The following MLXIPL variants were observed in gnomAD, a reference collection of about 807,000 sequenced individuals.
MLXIPL encodes the protein MLX interacting protein like, also known as carbohydrate-responsive element-binding protein.
In MLXIPL, 49 loss-of-function variants were observed where a neutral mutation model predicts 81.5. The ratio of observed to expected loss-of-function variants is 0.60; its 90% CI spans 0.48 to 0.76. The LOEUF (loss-of-function observed/expected upper bound fraction) is 0.76. MLXIPL is among the 30% of genes least tolerant of loss of function. The pLI is 0.00. For synonymous variants in MLXIPL, 466 were observed against 485.5 expected (o/e 0.96, Z 0.53); for missense variants, 1,053 against 1,167.0 (o/e 0.90, Z 1.42).
At chr7:73,615,991 G>A in intron 2 of MLXIPL, 80 bp downstream of exon 2, 3 of 1,162,272 alleles carry the variant, frequency 2.6e-6, no homozygotes, top group Non-Finnish European at 3.9e-6. Flanking sequence ...TTCCTGGGCA[G>A]CCACCATGTA....
intron 1 of MLXIPL, among the ~76,000 whole-genome samples, 157 bp from the exon 2 acceptor site, chr7:73,616,334 A>G (rs1796007657): frequency 6.6e-6 from 1 of 152,196 alleles, no homozygotes; most frequent in Non-Finnish European, 1.5e-5. Flanking sequence ...ATTCCTATCC[A>G]GAGAGTCAGA....
intron 1 of MLXIPL, among the ~76,000 whole-genome samples, chr7:73,622,140 C>A (rs1554602407): frequency 6.6e-6 from 1 of 150,838 alleles, no homozygotes; most frequent in African/African-American, 2.4e-5. Context: ...ATCCTCCCAC[C>A]TCAGACTCCC....
intron 8 of MLXIPL, among the ~76,000 whole-genome samples, chr7:73,598,867 C>T (rs1693855065): frequency 6.6e-6 from 1 of 151,948 alleles, no homozygotes; most frequent in East Asian, 1.9e-4. Context: ...CACCTGTAAT[C>T]CCACCACCTT....
At chr7:73,619,591 T>C (rs1796205937) in intron 1 of MLXIPL, among the ~76,000 whole-genome samples, 2 of 151,908 alleles carry the variant, frequency 1.3e-5, no homozygotes, top group South Asian at 4.2e-4. Context: ...ATCACACCAC[T>C]GCACTCCAGC....
the MLXIPL span, among the ~76,000 whole-genome samples, chr7:73,647,452 C>T: frequency 6.6e-6 from 1 of 152,054 alleles, no homozygotes; most frequent in African/African-American, 2.4e-5. Flanking sequence ...ACCTCCCAGA[C>T]CAGGATGGAA....
chr7:73,645,341 T>C, the MLXIPL span, among the ~76,000 whole-genome samples: 1 of 152,242 alleles, frequency 6.6e-6, no homozygotes, highest in African/African-American at 2.4e-5. Flanking sequence ...GGGCAGTAGT[T>C]GTCTGTCTCT....
chr7:73,633,310 C>T, the MLXIPL span, among the ~76,000 whole-genome samples: 1 of 150,828 alleles, frequency 6.6e-6, no homozygotes, highest in African/African-American at 2.4e-5. Flanking sequence ...TCTCAATCTC[C>T]TGACCTTGTG....
intron 2 of MLXIPL, among the ~76,000 whole-genome samples, chr7:73,613,444 C>CA (rs1554600161): frequency 1.3e-5 from 2 of 151,866 alleles, no homozygotes; most frequent in African/African-American, 4.8e-5. Flanking sequence ...ACTAAAAATA[C>CA]AAAAATTAGC....
At chr7:73,598,259 C>T (rs1264741369) in intron 8 of MLXIPL, among the ~76,000 whole-genome samples, 1 of 152,124 alleles carries the variant, frequency 6.6e-6, no homozygotes, top group African/African-American at 2.4e-5. Context: ...ATTTATCAAT[C>T]TATGAACCAG....
chr7:73,595,087 C>G (rs1794165989), intron 15 of MLXIPL, among the ~76,000 whole-genome samples: 3 of 152,120 alleles, frequency 2.0e-5, no homozygotes, highest in African/African-American at 7.2e-5. Flanking sequence ...CTCAAGTGAT[C>G]CACCTGCCTC....
At position 73,595,648 on chromosome 7, in the gene MLXIPL, TC is replaced by T; in HGVS notation, c.2298del (p.Trp766Ter). On this transcript the variant is annotated frameshift_variant, in exon 15 of 17. Coordinates refer to ENST00000313375, the MANE Select transcript of MLXIPL (RefSeq NM_032951.3). LOFTEE classifies it high-confidence loss of function. ...TTGAGGGAGGATACCACCCAGAACT[TC>T]CAGTTGTGCAGCGTACGGGTTCGGA... ...DYVRTRTLHN[W>X]KFWVFSILIR... is the part of the protein sequence containing the mutation. 1.2e-6 allele frequency: 2 copies of T among 1,614,108 alleles called. No individual in the cohort carries two copies. Among genetic ancestry groups the T allele is most frequent in the Non-Finnish European group, 1.7e-6 (2 of 1,179,988 alleles).
In MLXIPL at chr7:73,593,777, A is replaced by C; in HGVS notation, c.*88T>G. ...GGCAGAGCCAGGGCCTGGGGCAGGA[A>C]GGGAGTGCCCAGAGATGATCCCTGG... On this transcript the variant is annotated 3_prime_UTR_variant, in exon 17 of 17. Coordinates refer to ENST00000313375, the MANE Select transcript of MLXIPL (RefSeq NM_032951.3). The C allele has an allele frequency of 8.6e-7, 1 of 1,169,518 alleles. No individual in the cohort carries two copies. The highest frequency in any genetic ancestry group is 1.3e-6 in the Non-Finnish European group (1 of 778,442). The allele number at this position is 1,169,518 out of a possible 1,614,324, so 72.4% of individuals were successfully genotyped here. A position where few individuals can be genotyped will look rare whatever the true frequency, so the allele number is the denominator to read the frequency against.
chr7:73,604,182 T>C (rs1795100658), intron 7 of MLXIPL, among the ~76,000 whole-genome samples: 1 of 114,372 alleles, frequency 8.7e-6, no homozygotes, highest in South Asian at 2.9e-4. Context: ...ACTCACTGCA[T>C]TCCAACCTGG....
upstream of MLXIPL, among the ~76,000 whole-genome samples, chr7:73,628,456 C>T (rs1796786799): frequency 6.6e-6 from 1 of 152,210 alleles, no homozygotes; most frequent in Admixed American, 6.5e-5. Flanking sequence ...AACATCCAAA[C>T]ACTAGAGTGT....
chr7:73,611,777 C>T (rs1480560764), intron 2 of MLXIPL, among the ~76,000 whole-genome samples: 1 of 151,734 alleles, frequency 6.6e-6, no homozygotes, highest in South Asian at 2.1e-4. Flanking sequence ...GATTACACCA[C>T]TGCACCCCAG....
chr7:73,605,579 A>G, intron 7 of MLXIPL, 109 bp downstream of exon 7: 1 of 949,820 alleles, frequency 1.1e-6, no homozygotes, highest in Non-Finnish European at 1.6e-6. Context: ...ACAGAAAAAA[A>G]GAAACGACCC....
chr7:73,596,800 G>C lies in MLXIPL; in HGVS notation c.1672-11C>G, dbSNP rs782762943. 3 of 1,607,530 alleles carry C rather than the reference G, an allele frequency of 1.9e-6. No homozygotes were observed. The highest frequency in any genetic ancestry group is 2.5e-6 in the Non-Finnish European group (3 of 1,177,792). On this transcript the variant is annotated splice_polypyrimidine_tract_variant and intron_variant, in intron 10 of 16. Transcript: ENST00000313375. The surrounding 1 kb of genome is among the most constrained non-coding windows in gnomAD (Gnocchi z 4.7). Reference sequence around the variant, plus strand: ...AGGGACTGTCTCCTGCTGGGGTGGAGAAGGGCGGAGAGTCGGGTTGAAGGC... The same window carrying C: ...AGGGACTGTCTCCTGCTGGGGTGGACAAGGGCGGAGAGTCGGGTTGAAGGC...
At chr7:73,637,306 C>T in the MLXIPL span, among the ~76,000 whole-genome samples, 7 of 151,846 alleles carry the variant, frequency 4.6e-5, no homozygotes, top group East Asian at 1.9e-4. Flanking sequence ...GGCGAAACCC[C>T]GTCTCTCCTA....
intron 4 of MLXIPL, 77 bp downstream of exon 4, chr7:73,607,254 G>T: frequency 6.9e-7 from 1 of 1,447,554 alleles, no homozygotes; most frequent in South Asian, 1.2e-5. Context: ...CCCCTTTCCA[G>T]GGATCTTCCG....
Sources: gnomAD v4.1 joint callset for allele counts (sites outside exome capture counted in the v4.1 genomes callset) on GRCh38, gnomAD v4.1.1 for gene constraint, Gnocchi (gnomAD v3.1) non-coding constraint, MANE v1.5 for transcripts, NCBI Gene and HGNC (gene_info 2026-07-23, HGNC 2026-07-21) for gene names.